Variants in ZFYVE9 observed in about 807,000 individuals in gnomAD.
ZFYVE9 encodes zinc finger FYVE-type containing 9.
In ZFYVE9, 43 loss-of-function variants were observed where a neutral mutation model predicts 126.7. The observed-to-expected ratio is 0.34, with a 90% confidence interval of 0.27 to 0.44. The LOEUF is 0.44. Ranked by LOEUF, ZFYVE9 falls within the 20% of genes least tolerant of loss-of-function variation. The pLI, the probability that ZFYVE9 is intolerant of heterozygous loss-of-function variation, is 1.00. For synonymous variants in ZFYVE9, 521 were observed against 597.4 expected (o/e 0.87, Z 1.87); for missense variants, 1,476 against 1,697.0 (o/e 0.87, Z 2.29).
At chr1:52,234,464 A>G (rs1385624529) in intron 3 of ZFYVE9, among the ~76,000 whole-genome samples, 1 of 152,198 alleles carries the variant, frequency 6.6e-6, no homozygotes, top group African/African-American at 2.4e-5. Flanking sequence ...CTGTCTTAAA[A>G]AATAATAAAG....
At chr1:52,183,668 A>G (rs1644735618) in intron 1 of ZFYVE9, among the ~76,000 whole-genome samples, 1 of 151,796 alleles carries the variant, frequency 6.6e-6, no homozygotes, top group Admixed American at 6.6e-5. Flanking sequence ...ACACCCGGCT[A>G]ATTTTTTTGT....
intron 10 of ZFYVE9, among the ~76,000 whole-genome samples, 181 bp from the exon 11 acceptor site, chr1:52,293,272 A>G (rs1374874821): frequency 6.7e-6 from 1 of 150,064 alleles, no homozygotes; most frequent in Non-Finnish European, 1.5e-5. Context: ...CCACCTACTC[A>G]GGAGGCTGAG....
intron 2 of ZFYVE9, among the ~76,000 whole-genome samples, chr1:52,227,343 A>T (rs1645179905): frequency 7.7e-6 from 1 of 129,742 alleles, no homozygotes; most frequent in Non-Finnish European, 1.6e-5. Context: ...TTCACTTGCC[A>T]AAATCTCATC....
At chr1:52,213,170 A>G (rs1262527191) in intron 1 of ZFYVE9, among the ~76,000 whole-genome samples, 1 of 152,142 alleles carries the variant, frequency 6.6e-6, no homozygotes, top group African/African-American at 2.4e-5. Flanking sequence ...AGGTGATGGA[A>G]TTCTTCTTTT....
At chr1:52,148,646 TC>T (rs1480181769) in intron 1 of ZFYVE9, among the ~76,000 whole-genome samples, 1 of 151,552 alleles carries the variant, frequency 6.6e-6, no homozygotes, top group African/African-American at 2.4e-5. Context: ...AATATTTCTT[TC>T]TTTTTTTTTT....
chr1:52,231,531 T>G (rs879352540), intron 2 of ZFYVE9, among the ~76,000 whole-genome samples: 1 of 151,918 alleles, frequency 6.6e-6, no homozygotes, highest in East Asian at 1.9e-4. Flanking sequence ...AAAAAATAAT[T>G]CACAGATTAT....
intron 1 of ZFYVE9, chr1:52,162,392 C>T (rs1644470548): frequency 6.3e-6 from 2 of 317,660 alleles, no homozygotes; most frequent in Admixed American, 3.2e-5. Context: ...ACTATGAGTT[C>T]TGCCCATATA....
chr1:52,175,318 T>C (rs1381947948), intron 1 of ZFYVE9, among the ~76,000 whole-genome samples: 2 of 150,854 alleles, frequency 1.3e-5, no homozygotes, highest in Admixed American at 6.6e-5. Context: ...TCTTTAAGAA[T>C]GTTGAATATT....
chr1:52,291,695 T>A (rs750037645), intron 10 of ZFYVE9, among the ~76,000 whole-genome samples: 6 of 151,556 alleles, frequency 4.0e-5, no homozygotes, highest in Non-Finnish European at 8.8e-5. Context: ...CTGGCCAATA[T>A]GGTAAAACCA....
At chr1:52,332,947 A>G (rs1341008597) in intron 14 of ZFYVE9, 29 bp downstream of exon 14, 1 of 1,613,598 alleles carries the variant, frequency 6.2e-7, no homozygotes, top group African/African-American at 1.3e-5. Context: ...TGAGATTATG[A>G]TAATGGAAAA....
At chr1:52,292,664 G>T in intron 10 of ZFYVE9, among the ~76,000 whole-genome samples, 1 of 151,760 alleles carries the variant, frequency 6.6e-6, no homozygotes, top group East Asian at 2.0e-4. Context: ...TAGAGATGGG[G>T]TTTTACCATG....
At chr1:52,231,403 A>C (rs1234002046) in intron 2 of ZFYVE9, among the ~76,000 whole-genome samples, 2 of 151,954 alleles carry the variant, frequency 1.3e-5, no homozygotes, top group Non-Finnish European at 2.9e-5. Flanking sequence ...CTGTAGCCCC[A>C]GCTACTCTGG....
Position 52,249,330 on chromosome 1 carries a change from G to A in ZFYVE9, c.2178+9735G>A, listed in dbSNP as rs545861080. The stretch of plus-strand genomic sequence containing the variant: ...ACTTGTTTTCTATTGTTTTGATATA[G>A]CCATATTAATAGGTGTGAAGTGGTA... On this transcript the variant is annotated intron_variant, in intron 4 of 18. Transcript: ENST00000287727. 6.6e-5 allele frequency among the ~76,000 whole-genome samples: 10 copies of A among 152,238 alleles called. No homozygotes were observed. In the South Asian group the frequency reaches 2.1e-3, roughly 32 times the overall value.
chr1:52,184,051 G>A (rs1397870901), intron 1 of ZFYVE9, among the ~76,000 whole-genome samples: 36 of 151,250 alleles, frequency 2.4e-4, no homozygotes, highest in Admixed American at 2.4e-3. Context: ...GAGTAGGGCT[G>A]CAGAGAGGAC....
At chr1:52,169,739 ATATT>A (rs751526127) in intron 1 of ZFYVE9, among the ~76,000 whole-genome samples, 6 of 152,338 alleles carry the variant, frequency 3.9e-5, no homozygotes, top group South Asian at 2.1e-4. Context: ...GGTTGAGTGA[ATATT>A]TATATAAATG....
rs569043339 is a variant in ZFYVE9 at position 52,323,071 on chromosome 1, T to C, written c.3439-9697T>C. 2.0e-5 allele frequency among the ~76,000 whole-genome samples: 3 copies of C among 152,344 alleles called. No individual in the cohort carries two copies. In the East Asian group the frequency reaches 5.8e-4, roughly 29 times the overall value. On this transcript the variant is annotated intron_variant, in intron 13 of 18. Coordinates refer to ENST00000287727, the MANE Select transcript of ZFYVE9 (RefSeq NM_004799.4). The stretch of plus-strand genomic sequence containing the variant: ...CGCCCATCTTGGCCTCCCAAAGTGC[T>C]GGGACTACAGGTGTGAGCCACCACG...
intron 13 of ZFYVE9, among the ~76,000 whole-genome samples, chr1:52,331,322 T>A (rs1252005497): frequency 6.6e-6 from 1 of 151,974 alleles, no homozygotes; most frequent in African/African-American, 2.4e-5. Flanking sequence ...AAATTATCAT[T>A]AACCCAGAGC....
Position 52,239,158 on chromosome 1 carries a change from C to G in ZFYVE9, c.1741C>G (p.Pro581Ala), listed in dbSNP as rs1436119879. Residue 581 changes from proline (P) to alanine (A), a missense_variant, in exon 4 of 19, where the codon CCC (proline) becomes GCC (alanine). Physicochemically the swap from Pro to Ala is conservative, Grantham distance 27 (BLOSUM62 -1). This residue lies in a region of ZFYVE9 where 807 missense variants were observed against 794.6 expected (regional missense o/e 1.02). Coordinates refer to ENST00000287727, the MANE Select transcript of ZFYVE9 (RefSeq NM_004799.4). ...SISVPFGGAR[P>A]KQPSNLKLQI... ...CAGTGTTCCTTTTGGTGGTGCAAGA[C>G]CCAAGCAACCTTCTAATCTTAAACT... 1 of 1,614,104 alleles carries G rather than the reference C, an allele frequency of 6.2e-7. No homozygotes were observed. The highest frequency in any genetic ancestry group is 1.7e-5 in the Admixed American group (1 of 59,986).
intron 4 of ZFYVE9, among the ~76,000 whole-genome samples, chr1:52,241,270 C>T (rs1051611846): frequency 1.3e-5 from 2 of 152,136 alleles, no homozygotes; most frequent in Non-Finnish European, 2.9e-5. Context: ...AAGATCCTAG[C>T]ACAAAAGAAC....
Sources: gnomAD v4.1 joint callset for allele counts (sites outside exome capture counted in the v4.1 genomes callset) on GRCh38, gnomAD v4.1.1 for gene constraint, gnomAD v4.1.1 regional missense constraint, MANE v1.5 for transcripts, NCBI Gene and HGNC (gene_info 2026-07-23, HGNC 2026-07-21) for gene names.